The following COL6A6 variants were observed in gnomAD, a reference collection of about 807,000 sequenced individuals.
COL6A6 encodes the protein collagen alpha-6(VI) chain.
A neutral mutation model predicts 208.6 loss-of-function variants in COL6A6; 183 were observed. The ratio of observed to expected loss-of-function variants is 0.88; its 90% CI spans 0.78 to 0.99. COL6A6 has a LOEUF of 0.99. Ranked by LOEUF, COL6A6 falls within the 50% of genes least tolerant of loss-of-function variation. COL6A6 has a pLI of 0.00. For synonymous variants in COL6A6, 973 were observed against 1,011.8 expected (o/e 0.96, Z 0.73); for missense variants, 2,816 against 2,815.2 (o/e 1.00, Z -0.01).
chr3:130,571,646 GA>G (rs2063169816), intron 7 of COL6A6, among the ~76,000 whole-genome samples: 1 of 152,142 alleles, frequency 6.6e-6, no homozygotes, highest in African/African-American at 2.4e-5. Flanking sequence ...CTAATGATGG[GA>G]AATTCAAAAG....
chr3:130,625,701 A>T (rs2064865054), intron 24 of COL6A6, among the ~76,000 whole-genome samples: 1 of 152,208 alleles, frequency 6.6e-6, no homozygotes, highest in Non-Finnish European at 1.5e-5. Flanking sequence ...TGGATCCTGG[A>T]TGGGATCCTG....
chr3:130,670,935 T>G, intron 36 of COL6A6, among the ~76,000 whole-genome samples: 1 of 152,194 alleles, frequency 6.6e-6, no homozygotes, highest in South Asian at 2.1e-4. Flanking sequence ...CCCAAGACAA[T>G]TCTTCCAGTG....
In COL6A6 at chr3:130,589,188, T is replaced by A. The variant is rs761543479; in HGVS notation, c.4218+6T>A. ...CTGGACCACCAGGGAAAAGGGTGAT[T>A]TTAGCTCAGATTTATGGGTTACTTT... On this transcript the variant is annotated splice_donor_region_variant and intron_variant, in intron 12 of 36. Coordinates refer to ENST00000358511, the MANE Select transcript of COL6A6 (RefSeq NM_001102608.3). The A allele has an allele frequency of 3.7e-6, 6 of 1,606,208 alleles. No homozygotes were observed. In the Admixed American group the frequency reaches 5.0e-5, roughly 13 times the overall value.
chr3:130,669,238 T>C lies in COL6A6; in HGVS notation c.6596+4142T>C, dbSNP rs553733632. Reference sequence around the variant, plus strand: ...GGCAAAACCCCATCTCTACTAAAAATACAAAAATTAGCCAGGCGTGATGGC... The same window carrying C: ...GGCAAAACCCCATCTCTACTAAAAACACAAAAATTAGCCAGGCGTGATGGC... On this transcript the variant is annotated intron_variant, in intron 36 of 36. Transcript: ENST00000358511. 9.9e-5 allele frequency among the ~76,000 whole-genome samples: 15 copies of C among 151,984 alleles called. No individual in the cohort carries two copies. In the East Asian group the frequency reaches 2.7e-3, roughly 27 times the overall value.
At chr3:130,669,431 T>A (rs2032916895) in intron 36 of COL6A6, among the ~76,000 whole-genome samples, 1 of 151,478 alleles carries the variant, frequency 6.6e-6, no homozygotes, top group South Asian at 2.1e-4. Context: ...AATAATATTT[T>A]AAAAACCTAT....
intron 36 of COL6A6, among the ~76,000 whole-genome samples, chr3:130,667,273 G>T (rs1576428358): frequency 6.6e-6 from 1 of 152,206 alleles, no homozygotes; most frequent in Non-Finnish European, 1.5e-5. Context: ...GTTTCACTCT[G>T]TCGCCCAGGC....
Position 130,548,598 on chromosome 3 carries a change from A to G in COL6A6, c.-31-11736A>G, listed in dbSNP as rs538171354. Among the ~76,000 whole-genome samples the G allele has an allele frequency of 3.3e-5, 5 of 152,340 alleles. No homozygotes were observed. In the South Asian group the frequency reaches 1.0e-3, roughly 32 times the overall value. ...AGAGCAAAGTGCTCTGGCATATTTC[A>G]AAGTGGCTCCTAATTGTCTCCTTCT... On this transcript the variant is annotated intron_variant, in intron 1 of 36. Coordinates refer to ENST00000358511, the MANE Select transcript of COL6A6 (RefSeq NM_001102608.3).
chr3:130,519,093 T>A (rs1710917776), intron 1 of COL6A6, among the ~76,000 whole-genome samples: 1 of 152,240 alleles, frequency 6.6e-6, no homozygotes. Flanking sequence ...TAGTCTGAAT[T>A]TCAGAAAGTT....
At chr3:130,551,955 T>C (rs144066796) in intron 1 of COL6A6, among the ~76,000 whole-genome samples, 7 of 152,332 alleles carry the variant, frequency 4.6e-5, no homozygotes, top group Admixed American at 6.5e-5. Flanking sequence ...AATTTCCATG[T>C]AATTGTTTGG....
chr3:130,520,279 C>T (rs569816270), intron 1 of COL6A6, among the ~76,000 whole-genome samples: 1 of 152,244 alleles, frequency 6.6e-6, no homozygotes, highest in South Asian at 2.1e-4. Context: ...AAAGCAGTTA[C>T]CAAAAGCTAC....
At chr3:130,606,083 C>G (rs2064174937) in intron 20 of COL6A6, among the ~76,000 whole-genome samples, 1 of 152,214 alleles carries the variant, frequency 6.6e-6, no homozygotes, top group Non-Finnish European at 1.5e-5. Context: ...ATATGATTAG[C>G]AGAATTTAAA....
At chr3:130,666,012 T>C (rs1165051845) in intron 36 of COL6A6, among the ~76,000 whole-genome samples, 1 of 152,160 alleles carries the variant, frequency 6.6e-6, no homozygotes, top group Non-Finnish European at 1.5e-5. Context: ...GGACCTCAGA[T>C]AGGATGTTTA....
intron 10 of COL6A6, among the ~76,000 whole-genome samples, chr3:130,582,401 CAGAAG>C (rs1264818622): frequency 1.3e-5 from 2 of 152,238 alleles, no homozygotes; most frequent in South Asian, 2.1e-4. Flanking sequence ...TTAGTGTCAC[CAGAAG>C]AGAAGAGTAT....
chr3:130,564,887 C>T, intron 3 of COL6A6, 107 bp from the exon 4 acceptor site: 1 of 1,248,762 alleles, frequency 8.0e-7, no homozygotes, highest in African/African-American at 1.5e-5. Flanking sequence ...ACCTCCTTCT[C>T]TAAGTGCATA....
intron 1 of COL6A6, among the ~76,000 whole-genome samples, chr3:130,555,624 C>A (rs1479086021): frequency 6.6e-6 from 1 of 152,188 alleles, no homozygotes; most frequent in Non-Finnish European, 1.5e-5. Flanking sequence ...TTTAACATTT[C>A]CCCATTAGGA....
intron 28 of COL6A6, among the ~76,000 whole-genome samples, chr3:130,637,599 T>G (rs1389355717): frequency 6.6e-6 from 1 of 152,198 alleles, no homozygotes; most frequent in Non-Finnish European, 1.5e-5. Flanking sequence ...ATATCCAGGT[T>G]TTCCCTCTAA....
At chr3:130,595,838 T>G (rs1356019019) in intron 18 of COL6A6, among the ~76,000 whole-genome samples, 1 of 152,186 alleles carries the variant, frequency 6.6e-6, no homozygotes, top group African/African-American at 2.4e-5. Context: ...AATTTCTGGA[T>G]TATAATGTGT....
intron 22 of COL6A6, 47 bp downstream of exon 22, chr3:130,609,011 G>A (rs1395075884): frequency 6.9e-7 from 1 of 1,451,118 alleles, no homozygotes; most frequent in South Asian, 1.2e-5. Flanking sequence ...AGAAGAATCT[G>A]GGAATGGAAA....
In COL6A6 at chr3:130,591,025, C is replaced by T. The variant is rs2063700803; in HGVS notation, c.4219-16C>T. ...GTCCATAGATGCAAATGTTTTCTTCCTTTTCTTATTTCCAGGGACCTCCAG... is the reference window on the plus strand; with the variant it reads ...GTCCATAGATGCAAATGTTTTCTTCTTTTTCTTATTTCCAGGGACCTCCAG... On this transcript the variant is annotated splice_polypyrimidine_tract_variant and intron_variant, in intron 12 of 36. Transcript: ENST00000358511. 5.8e-6 allele frequency: 9 copies of T among 1,561,234 alleles called. No homozygotes were observed. The South Asian group carries it at 1.1e-4, about 18-fold the overall frequency.
Sources: gnomAD v4.1 joint callset for allele counts (sites outside exome capture counted in the v4.1 genomes callset) on GRCh38, gnomAD v4.1.1 for gene constraint, MANE v1.5 for transcripts, NCBI Gene and HGNC (gene_info 2026-07-23, HGNC 2026-07-21) for gene names.